Variants in ACAN observed in about 807,000 individuals in gnomAD.
The protein encoded by ACAN is aggrecan, also known as aggrecan core protein.
A neutral mutation model predicts 169.1 loss-of-function variants in ACAN; 47 were observed. The observed-to-expected ratio is 0.28, with a 90% CI of 0.22 to 0.35. The LOEUF is 0.35. Ranked by LOEUF, ACAN falls within the 10% of genes least tolerant of loss-of-function variation. ACAN has a pLI of 1.00. For synonymous variants in ACAN, 1,115 were observed against 1,112.2 expected, an observed-to-expected ratio of 1.00 and a Z score of -0.05; for missense variants, 2,716 against 2,759.9, an observed-to-expected ratio of 0.98 and a Z score of 0.36.
At position 88,854,854 on chromosome 15, in the gene ACAN, A is replaced by T. The variant is rs2141601862; in HGVS notation, c.2269A>T (p.Ile757Phe). 4 of 1,481,410 alleles carry T rather than the reference A, an allele frequency of 2.7e-6. No homozygotes were observed. In the East Asian group the frequency reaches 9.5e-5, roughly 35 times the overall value. 91.8% of individuals were successfully genotyped at this position (1,481,410 alleles called of 1,614,324 possible). A position where few individuals can be genotyped will look rare whatever the true frequency, so the allele number is the denominator to read the frequency against. ...TPVGTSPLPG[I>F]LPTWPPTGAA... ...TCTTTCTTCCTTCTTTCCTACAGGG[A>T]TCCTTCCTACTTGGCCTCCCACTGG... The change falls in exon 12 of 19, where the codon ATC becomes TTC. Residue 757 changes from isoleucine (I) to phenylalanine (F), a missense_variant and splice_region_variant. Transcript: ENST00000560601.
intron 1 of ACAN, among the ~76,000 whole-genome samples, chr15:88,827,785 A>G (rs974343506): frequency 2.0e-5 from 3 of 152,208 alleles, no homozygotes; most frequent in African/African-American, 7.2e-5. Flanking sequence ...ACAGCGTCCT[A>G]TGCTATTTGA....
chr15:88,872,145 C>A lies in ACAN; in HGVS notation c.7302+60C>A, dbSNP rs1034604224. 6.8e-7 allele frequency: 1 copy of A among 1,460,302 alleles called. No homozygotes were observed. Among genetic ancestry groups the A allele is most frequent in the South Asian group, 1.1e-5 (1 of 87,806 alleles). 90.5% of individuals were successfully genotyped at this position (1,460,302 alleles called of 1,614,324 possible). On this transcript the variant is annotated intron_variant, in intron 16 of 18. Coordinates refer to ENST00000560601, the MANE Select transcript of ACAN (RefSeq NM_001369268.1). The surrounding 1 kb of genome is among the most constrained non-coding windows in gnomAD (Gnocchi z 5.4). ...GGGACAGGGAGTGGGATAGAGACCC[C>A]TGGAGAGAGATGCATTCAAACCCCA...
Position 88,874,672 on chromosome 15 carries a change from A to G in ACAN, c.*191A>G, listed in dbSNP as rs1897470183. 1 of 682,636 alleles carries G rather than the reference A, an allele frequency of 1.5e-6. No individual in the cohort carries two copies. Among genetic ancestry groups the G allele is most frequent in the Non-Finnish European group, 2.7e-6 (1 of 375,616 alleles). 42.3% of individuals were successfully genotyped at this position (682,636 alleles called of 1,614,324 possible). ...CTCCAAATCAGCAAAACCGCATCTA[A>G]TTTGTCCGCCGAATGCCAAAGCAAA... On this transcript the variant is annotated 3_prime_UTR_variant, in exon 19 of 19. Transcript: ENST00000560601. The surrounding 1 kb of genome is among the most constrained non-coding windows in gnomAD (Gnocchi z 7.3).
At chr15:88,809,489 G>A (rs1895767222) in intron 1 of ACAN, among the ~76,000 whole-genome samples, 1 of 152,192 alleles carries the variant, frequency 6.6e-6, no homozygotes, top group Admixed American at 6.5e-5. Context: ...AGGCACCTTT[G>A]GTGTCTGGTG....
intron 13 of ACAN, among the ~76,000 whole-genome samples, chr15:88,862,669 C>A (rs1211509638): frequency 1.3e-5 from 2 of 152,140 alleles, no homozygotes; most frequent in African/African-American, 4.8e-5. Flanking sequence ...CCACGATTGT[C>A]TTGCACCACA....
rs1425245790 is a variant in ACAN at position 88,874,478 on chromosome 15, C to T, written c.7704C>T (p.His2568=). ...GGAGGAGCCGCCCCAGCACAGCCCA[C>T]TGAGAAGAGCTTCCAGGACGCACCC... The part of the protein sequence containing the change: ...HPRRSRPSTA[H] Residue 2568 remains histidine, a synonymous_variant, in exon 19 of 19, where the codon CAC becomes CAT. Coordinates refer to ENST00000560601, the MANE Select transcript of ACAN (RefSeq NM_001369268.1). The surrounding 1 kb of genome is among the most constrained non-coding windows in gnomAD (Gnocchi z 7.3). 6.3e-7 allele frequency: 1 copy of T among 1,599,430 alleles called. No individual in the cohort carries two copies. The highest frequency in any genetic ancestry group is 8.5e-7 in the Non-Finnish European group (1 of 1,173,488).
Position 88,857,286 on chromosome 15 carries a change from T to C in ACAN, c.4701T>C (p.Ser1567=). ...TSASEVGTDL[S]GLPSGREGLE... ...CTTCTGAAGTAGGGACTGACCTCAGTGGGCTTCCTTCTGGAAGGGAGGGTC... is the reference window on the plus strand; with the variant it reads ...CTTCTGAAGTAGGGACTGACCTCAGCGGGCTTCCTTCTGGAAGGGAGGGTC... Residue 1567 remains serine (S), a synonymous_variant, in exon 12 of 19, where the codon AGT becomes AGC. Transcript: ENST00000560601. 3 of 1,613,470 alleles carry C rather than the reference T, an allele frequency of 1.9e-6. No individual in the cohort carries two copies. The highest frequency in any genetic ancestry group is 1.7e-6 in the Non-Finnish European group (2 of 1,179,754).
rs1466055345 is a variant in ACAN at position 88,855,403 on chromosome 15, G to A, written c.2818G>A (p.Gly940Arg). The change falls in exon 12 of 19, where the codon GGA becomes AGA. Residue 940 changes from glycine to arginine, a missense_variant. This residue lies in a region of ACAN where 1,283 missense variants were observed against 1,281.5 expected (regional missense o/e 1.00). Coordinates refer to ENST00000560601, the MANE Select transcript of ACAN (RefSeq NM_001369268.1). Reference sequence around the variant, plus strand: ...TCCTACGGTTGGTGAACTGCCCTCTGGAGCTGAGATCCTAGAGGGCTCTGC... The same window carrying A: ...TCCTACGGTTGGTGAACTGCCCTCTAGAGCTGAGATCCTAGAGGGCTCTGC... ...STPTVGELPS[G>R]AEILEGSASG... The A allele has an allele frequency of 1.9e-6, 3 of 1,613,644 alleles. No homozygotes were observed. The highest frequency in any genetic ancestry group is 1.7e-6 in the Non-Finnish European group (2 of 1,179,850).
chr15:88,825,470 T>C (rs1410546983), intron 1 of ACAN, among the ~76,000 whole-genome samples: 5 of 152,196 alleles, frequency 3.3e-5, no homozygotes. Flanking sequence ...ACCTAGATAG[T>C]ACATTATGAG....
At chr15:88,823,607 G>C (rs907930500) in intron 1 of ACAN, among the ~76,000 whole-genome samples, 1 of 152,184 alleles carries the variant, frequency 6.6e-6, no homozygotes, top group Middle Eastern at 3.4e-3. Context: ...CATCCTTCAC[G>C]TGCCCACCCT....
At chr15:88,820,759 G>A (rs1296487192) in intron 1 of ACAN, among the ~76,000 whole-genome samples, 1 of 152,142 alleles carries the variant, frequency 6.6e-6, no homozygotes, top group African/African-American at 2.4e-5. Context: ...GGCTCTCCTT[G>A]TATTGTAGGA....
At chr15:88,840,241 TG>T in intron 4 of ACAN, 55 bp downstream of exon 4, 1 of 1,500,466 alleles carries the variant, frequency 6.7e-7, no homozygotes, top group Non-Finnish European at 8.9e-7. Flanking sequence ...CACAGGGGAG[TG>T]GGGCGGGTGC....
rs534477553 is a variant in ACAN, at chr15:88,843,825, G to T, written c.1051+177G>T. Among the ~76,000 whole-genome samples, 1 of 152,282 alleles carries T rather than the reference G, an allele frequency of 6.6e-6. No individual in the cohort carries two copies. Among genetic ancestry groups the T allele is most frequent in the Non-Finnish European group, 1.5e-5 (1 of 68,030 alleles). On this transcript the variant is annotated intron_variant, in intron 6 of 18. Coordinates refer to ENST00000560601, the MANE Select transcript of ACAN (RefSeq NM_001369268.1). This position sits in a 1 kb window ranked among gnomAD's most constrained non-coding sequence, Gnocchi z 4.0. ...TCACTGGTTCCTAGGAAGCCCTAAG[G>T]TAGAGACTCTTGAGACTGCAGCGTA...
Position 88,870,754 on chromosome 15 carries a change from C to T in ACAN, c.7061-628C>T, listed in dbSNP as rs1297218294. On this transcript the variant is annotated intron_variant, in intron 14 of 18. Coordinates refer to ENST00000560601, the MANE Select transcript of ACAN (RefSeq NM_001369268.1). This position sits in a 1 kb window ranked among gnomAD's most constrained non-coding sequence, Gnocchi z 6.3. The stretch of plus-strand genomic sequence containing the variant: ...AAAGCCAGGGCCCCTGGATCCCAGA[C>T]CCCCAATGGGCTATCTGACCCCTGC... 3.3e-5 allele frequency among the ~76,000 whole-genome samples: 5 copies of T among 152,150 alleles called. No individual in the cohort carries two copies. Among genetic ancestry groups the T allele is most frequent in the Non-Finnish European group, 7.4e-5 (5 of 68,022 alleles).
rs1290305538 is a variant in ACAN, at chr15:88,872,863, C to T, written c.7303-18C>T. The T allele has an allele frequency of 6.2e-7, 1 of 1,612,690 alleles. No individual in the cohort carries two copies. The highest frequency in any genetic ancestry group is 8.5e-7 in the Non-Finnish European group (1 of 1,179,780). On this transcript the variant is annotated intron_variant, in intron 16 of 18. Transcript: ENST00000560601. The surrounding 1 kb of genome is among the most constrained non-coding windows in gnomAD (Gnocchi z 5.4). ...CTGTCCTGCCCTCTCCTTACTCCTTCCCCACTCCCACCCACAGCAATTTGA... is the reference window on the plus strand; with the variant it reads ...CTGTCCTGCCCTCTCCTTACTCCTTTCCCACTCCCACCCACAGCAATTTGA...
Position 88,855,317 on chromosome 15 carries a change from G to A in ACAN, c.2732G>A (p.Gly911Asp), listed in dbSNP as rs746633929. 1.2e-6 allele frequency: 2 copies of A among 1,612,354 alleles called. No homozygotes were observed. The highest frequency in any genetic ancestry group is 1.7e-5 in the Admixed American group (1 of 60,002). The change falls in exon 12 of 19, where the codon GGC (glycine) becomes GAC (aspartate). Residue 911 changes from glycine (G) to aspartate (D), a missense_variant. Around this residue, in one of 3 missense-constraint regions of ACAN, gnomAD observed 1,283 missense variants for 1,281.5 expected, o/e 1.00. Coordinates refer to ENST00000560601, the MANE Select transcript of ACAN (RefSeq NM_001369268.1). ...SSGLTSTVGS[G>D]LPVESGLPSG... ...GGTCTTACTTCCACAGTGGGCTCAG[G>A]CCTGCCTGTGGAAAGTGGACTACCC...
chr15:88,849,144 G>A lies in ACAN; in HGVS notation c.1733-294G>A, dbSNP rs913903572. ...GTGGAGAATCCAGAAAAGAGGGACG[G>A]AGGAGAAGTTGTTGTGGAAACAACT... On this transcript the variant is annotated intron_variant, in intron 9 of 18. Transcript: ENST00000560601. The surrounding 1 kb of genome is among the most constrained non-coding windows in gnomAD (Gnocchi z 5.1). Among the ~76,000 whole-genome samples the A allele has an allele frequency of 6.6e-6, 1 of 152,250 alleles. No individual in the cohort carries two copies. The highest frequency in any genetic ancestry group is 2.1e-4 in the South Asian group (1 of 4,832).
chr15:88,830,560 G>C (rs545899253), intron 1 of ACAN, among the ~76,000 whole-genome samples: 75 of 150,912 alleles, frequency 5.0e-4, no homozygotes, highest in African/African-American at 1.7e-3. Flanking sequence ...GTGTAGATAG[G>C]TTTAGATACA....
Position 88,873,585 on chromosome 15 carries a change from C to G in ACAN, c.7448-257C>G. The G allele has an allele frequency of 1.9e-6, 1 of 530,216 alleles. No homozygotes were observed. The highest frequency in any genetic ancestry group is 3.4e-6 in the Non-Finnish European group (1 of 295,844). The allele number at this position is 530,216 out of a possible 1,614,324, so 32.8% of individuals were successfully genotyped here. A position where few individuals can be genotyped will look rare whatever the true frequency, so the allele number is the denominator to read the frequency against. On this transcript the variant is annotated intron_variant, in intron 17 of 18. Transcript: ENST00000560601. This position sits in a 1 kb window ranked among gnomAD's most constrained non-coding sequence, Gnocchi z 7.5. ...GTCTGCCTGGCTCTCGCCCTCCACA[C>G]CTTTCTACCTCCCTTTCATCTTCTC...
Sources: gnomAD v4.1 joint callset for allele counts (sites outside exome capture counted in the v4.1 genomes callset) on GRCh38, gnomAD v4.1.1 for gene constraint, gnomAD v4.1.1 regional missense constraint, Gnocchi (gnomAD v3.1) non-coding constraint, MANE v1.5 for transcripts, NCBI Gene and HGNC (gene_info 2026-07-23, HGNC 2026-07-21) for gene names.